Variants in PCBD2 observed in about 807,000 individuals in gnomAD.
PCBD2 encodes pterin-4 alpha-carbinolamine dehydratase 2, also known as pterin-4-alpha-carbinolamine dehydratase 2.
Under a neutral mutation model 16.4 loss-of-function variants are expected in PCBD2, and 12 were observed. The ratio of observed to expected loss-of-function variants is 0.73; its 90% CI spans 0.47 to 1.19. PCBD2 has a LOEUF of 1.19. Among genes scored for constraint, PCBD2 ranks in the 50% most tolerant of loss-of-function variants. The probability of loss-of-function intolerance (pLI) is 0.00; values close to 1 mark genes in which losing one functional copy is unlikely to be tolerated. For synonymous variants in PCBD2, 58 were observed against 61.8 expected (o/e 0.94, Z 0.29); for missense variants, 138 against 156.8 (o/e 0.88, Z 0.64).
chr5:134,915,328 A>G (rs1213138195), intron 2 of PCBD2, among the ~76,000 whole-genome samples: 2 of 152,098 alleles, frequency 1.3e-5, no homozygotes, highest in African/African-American at 4.8e-5. Context: ...AAAAGAAAAA[A>G]AAGGACATAT....
At chr5:134,953,794 C>A (rs1479491915) in intron 2 of PCBD2, among the ~76,000 whole-genome samples, 1 of 152,016 alleles carries the variant, frequency 6.6e-6, no homozygotes, top group East Asian at 1.9e-4. Context: ...GAGTGAGACT[C>A]CATCTTAATA....
At chr5:134,927,302 G>A in intron 2 of PCBD2, 1 of 398,448 alleles carries the variant, frequency 2.5e-6, no homozygotes, top group East Asian at 3.6e-5. Flanking sequence ...TGAGTGTGAG[G>A]CGTATTATAC....
chr5:134,925,445 G>T (rs923216317), intron 2 of PCBD2: 4 of 398,408 alleles, frequency 1.0e-5, no homozygotes, highest in Non-Finnish European at 1.8e-5. Flanking sequence ...CATATAAATA[G>T]TATGGCTTTG....
At chr5:134,931,752 A>C (rs1012851409) in intron 2 of PCBD2, among the ~76,000 whole-genome samples, 2 of 152,240 alleles carry the variant, frequency 1.3e-5, no homozygotes, top group Non-Finnish European at 2.9e-5. Context: ...TAGAGCTTTG[A>C]ATGGGCAACT....
chr5:134,939,372 G>C (rs1489470189), intron 2 of PCBD2, among the ~76,000 whole-genome samples: 6 of 150,546 alleles, frequency 4.0e-5, no homozygotes, highest in African/African-American at 1.5e-4. Flanking sequence ...GAAGTTTTTA[G>C]AAGTTTGTAT....
intron 2 of PCBD2, among the ~76,000 whole-genome samples, chr5:134,937,436 T>C (rs559022514): frequency 1.3e-5 from 2 of 152,328 alleles, no homozygotes; most frequent in East Asian, 3.9e-4. Context: ...TATTGCAGTG[T>C]TTTAGGACTA....
At position 134,959,025 on chromosome 5, in the gene PCBD2, C is replaced by T. The variant is rs1006453633; in HGVS notation, c.217-15C>T. On this transcript the variant is annotated splice_polypyrimidine_tract_variant and intron_variant, in intron 2 of 3. Transcript: ENST00000254908. ...GGACAATGTCAGTAATTACTCTTGA[C>T]TTCATCTTATGCAGGCATTTGGCTT... The T allele has an allele frequency of 3.1e-6, 5 of 1,609,368 alleles. No homozygotes were observed. The Admixed American group carries it at 6.7e-5, about 21-fold the overall frequency.
chr5:134,912,179 CT>C (rs1750775847), intron 2 of PCBD2, among the ~76,000 whole-genome samples: 1 of 152,116 alleles, frequency 6.6e-6, no homozygotes, highest in African/African-American at 2.4e-5. Context: ...ATTCACCCAA[CT>C]TTTAGGAAAA....
intron 2 of PCBD2, among the ~76,000 whole-genome samples, chr5:134,938,156 T>C (rs1751183709): frequency 6.6e-6 from 1 of 152,236 alleles, no homozygotes; most frequent in South Asian, 2.1e-4. Flanking sequence ...GTGTGGGGCT[T>C]GAAGCTCTGC....
At chr5:134,915,543 G>A (rs1036803519) in intron 2 of PCBD2, among the ~76,000 whole-genome samples, 4 of 149,628 alleles carry the variant, frequency 2.7e-5, no homozygotes, top group African/African-American at 9.9e-5. Flanking sequence ...AACTCCCTGG[G>A]CTCAGGCGAT....
intron 2 of PCBD2, among the ~76,000 whole-genome samples, chr5:134,936,350 T>G (rs1164664504): frequency 1.3e-5 from 2 of 152,142 alleles, no homozygotes; most frequent in Non-Finnish European, 2.9e-5. Context: ...GCTCCTTCAC[T>G]CCTTAATAGC....
intron 2 of PCBD2, among the ~76,000 whole-genome samples, chr5:134,945,779 T>G (rs1391094500): frequency 6.6e-6 from 1 of 152,190 alleles, no homozygotes; most frequent in Non-Finnish European, 1.5e-5. Flanking sequence ...GAAGCACATT[T>G]TCTGCGCAAA....
chr5:134,905,194 C>T lies in PCBD2; in HGVS notation c.55C>T (p.Arg19Ter), dbSNP rs1021584298. The change falls in exon 1 of 4, where the codon CGA becomes TGA. Residue 19 changes from arginine to a stop codon, truncating the protein, a stop_gained. Transcript: ENST00000254908. LOFTEE classifies it high-confidence loss of function. ...GATRRLLAAL[R>*]GQSLGLAAMS... ...GACGCGGCGCTTGTTGGCGGCGCTG[C>T]GAGGCCAGAGCCTAGGGCTAGCGGC... The T allele has an allele frequency of 8.2e-7, 1 of 1,224,094 alleles. No individual in the cohort carries two copies. The allele number at this position is 1,224,094 out of a possible 1,614,324, so 75.8% of individuals were successfully genotyped here.
At chr5:134,948,054 G>A (rs1282483299) in intron 2 of PCBD2, among the ~76,000 whole-genome samples, 1 of 151,914 alleles carries the variant, frequency 6.6e-6, no homozygotes, top group East Asian at 2.0e-4. Flanking sequence ...TTTGACACCA[G>A]GGAACTCTGG....
intron 2 of PCBD2, among the ~76,000 whole-genome samples, chr5:134,920,212 G>A (rs927830297): frequency 1.3e-5 from 2 of 152,136 alleles, no homozygotes; most frequent in African/African-American, 4.8e-5. Context: ...TTAGAGTGGG[G>A]CATTCTGACT....
intron 2 of PCBD2, among the ~76,000 whole-genome samples, chr5:134,957,983 A>G (rs1751433654): frequency 6.6e-6 from 1 of 152,226 alleles, no homozygotes; most frequent in Non-Finnish European, 1.5e-5. Context: ...ACTGTTAACT[A>G]GGAAATACAC....
chr5:134,944,333 A>G (rs999942510), intron 2 of PCBD2, among the ~76,000 whole-genome samples: 2 of 152,200 alleles, frequency 1.3e-5, no homozygotes, highest in African/African-American at 2.4e-5. Flanking sequence ...GGTCAATGCC[A>G]TATTGTGCTC....
At chr5:134,952,150 G>T in intron 2 of PCBD2, among the ~76,000 whole-genome samples, 1 of 145,212 alleles carries the variant, frequency 6.9e-6, no homozygotes, top group Non-Finnish European at 1.5e-5. Context: ...ATGAGAAGCT[G>T]TTGACTTTTT....
At chr5:134,919,168 A>G (rs1456435396) in intron 2 of PCBD2, among the ~76,000 whole-genome samples, 1 of 152,234 alleles carries the variant, frequency 6.6e-6, no homozygotes, top group Non-Finnish European at 1.5e-5. Context: ...TCAAGCAGCC[A>G]AGAAGTATAA....
Sources: gnomAD v4.1 joint callset for allele counts (sites outside exome capture counted in the v4.1 genomes callset) on GRCh38, gnomAD v4.1.1 for gene constraint, MANE v1.5 for transcripts, NCBI Gene and HGNC (gene_info 2026-07-23, HGNC 2026-07-21) for gene names.